CCNL1: variants seen among roughly 807,000 people sequenced by gnomAD.
CCNL1 encodes cyclin L1.
CCNL1 carries 13 observed loss-of-function variants against 60.6 expected under a neutral mutation model. The observed-to-expected ratio is 0.21, with a 90% confidence interval of 0.14 to 0.34. The LOEUF is 0.34. Among genes scored for constraint, CCNL1 ranks in the 10% least tolerant of loss-of-function variants. The pLI is 1.00. For missense variants in CCNL1, 481 were observed against 664.3 expected (o/e 0.72, Z 3.03); for synonymous variants, 270 against 244.3 (o/e 1.10, Z -0.98).
intron 2 of CCNL1, 151 bp downstream of exon 2, chr3:157,159,254 C>T (rs1422477745): frequency 6.9e-6 from 5 of 722,800 alleles, no homozygotes; most frequent in Non-Finnish European, 1.2e-5. Flanking sequence ...GAACCACATT[C>T]TAAAGGTTTC....
intron 4 of CCNL1, chr3:157,152,456 GA>G: frequency 8.0e-6 from 10 of 1,254,046 alleles, no homozygotes; most frequent in South Asian, 4.7e-5. Flanking sequence ...AATTGTACAG[GA>G]AAAAAGGCAA....
intron 2 of CCNL1, 99 bp downstream of exon 2, chr3:157,159,305 TA>T: frequency 8.9e-7 from 1 of 1,124,788 alleles, no homozygotes; most frequent in Non-Finnish European, 1.3e-6. Flanking sequence ...AGGCCTAAAC[TA>T]AACCACTCCC....
chr3:157,150,331 G>C lies in CCNL1; in HGVS notation c.725C>G (p.Pro242Arg), dbSNP rs1247954141. The C allele has an allele frequency of 1.9e-6, 3 of 1,613,784 alleles. No individual in the cohort carries two copies. Among genetic ancestry groups the C allele is most frequent in the Non-Finnish European group, 2.5e-6 (3 of 1,179,910 alleles). ...GATGCAAGCACATGCTATAGTCTCT[G>C]GTTGAAATCGAACAAACACATTGGT... ...LRTNVFVRFQ[P>R]ETIACACIYL... Residue 242 changes from proline to arginine, a missense_variant, in exon 6 of 11, where the codon CCA becomes CGA. Around this residue, in one of 5 missense-constraint regions of CCNL1, gnomAD observed 75 missense variants for 129.6 expected, o/e 0.58. Coordinates refer to ENST00000295926, the MANE Select transcript of CCNL1 (RefSeq NM_020307.4).
At chr3:157,154,434 A>G (rs1188154082) in intron 3 of CCNL1, 2 of 152,226 alleles carry the variant, frequency 1.3e-5, no homozygotes, top group Admixed American at 1.3e-4. Context: ...CAAAAGACTT[A>G]AGAGTCTTTG....
At chr3:157,157,932 C>G (rs1242270862) in intron 3 of CCNL1, among the ~76,000 whole-genome samples, 1 of 152,200 alleles carries the variant, frequency 6.6e-6, no homozygotes, top group Non-Finnish European at 1.5e-5. Flanking sequence ...TACCCAACCC[C>G]CAGAACAACT....
downstream of CCNL1, among the ~76,000 whole-genome samples, chr3:157,145,603 G>A (rs1737763681): frequency 6.6e-6 from 1 of 152,110 alleles, no homozygotes; most frequent in South Asian, 2.1e-4. Context: ...ACAAAAGCCA[G>A]TGAGGTACAA....
chr3:157,143,613 G>C (rs1023690302), downstream of CCNL1, among the ~76,000 whole-genome samples: 11 of 152,182 alleles, frequency 7.2e-5, no homozygotes, highest in African/African-American at 2.7e-4. Flanking sequence ...AAATGATAAA[G>C]TAAATTTCAG....
In CCNL1 at chr3:157,147,906, T is replaced by C. The variant is rs938931130; in HGVS notation, c.*335A>G. 1.7e-5 allele frequency: 17 copies of C among 1,028,040 alleles called. No homozygotes were observed. The highest frequency in any genetic ancestry group is 1.9e-5 in the Non-Finnish European group (16 of 858,186). 63.7% of individuals were successfully genotyped at this position (1,028,040 alleles called of 1,614,324 possible). Reference sequence around the variant, plus strand: ...TCATTTAAACAAATAACCACTTAAATAGAACAGTGTCTGCAATTTTATCTG... The same window carrying C: ...TCATTTAAACAAATAACCACTTAAACAGAACAGTGTCTGCAATTTTATCTG... On this transcript the variant is annotated 3_prime_UTR_variant, in exon 11 of 11. Transcript: ENST00000295926.
chr3:157,151,096 ACTATTT>A, intron 5 of CCNL1: 1 of 984,784 alleles, frequency 1.0e-6, no homozygotes, highest in Non-Finnish European at 1.2e-6. Flanking sequence ...AATTAAATGG[ACTATTT>A]CTTAAAAATC....
downstream of CCNL1, chr3:157,146,530 C>G (rs894797649): frequency 6.7e-6 from 3 of 449,406 alleles, no homozygotes; most frequent in Non-Finnish European, 1.3e-5. Context: ...GAATTTAATA[C>G]TTGGGAGGCT....
rs530998597 is a variant in CCNL1 at position 157,158,169 on chromosome 3, T to C, written c.488+697A>G. Among the ~76,000 whole-genome samples, 8 of 152,346 alleles carry C rather than the reference T, an allele frequency of 5.3e-5. No homozygotes were observed. The East Asian group carries it at 5.8e-4, about 11-fold the overall frequency. ...TTATGTTACCACAACACCTAGGAGA[T>C]ACTATTTCAGTCTCTGTATTTTCTT... On this transcript the variant is annotated intron_variant, in intron 3 of 10. Coordinates refer to ENST00000295926, the MANE Select transcript of CCNL1 (RefSeq NM_020307.4).
chr3:157,149,297 G>C lies in CCNL1; in HGVS notation c.1222C>G (p.Pro408Ala). 1 of 1,610,860 alleles carries C rather than the reference G, an allele frequency of 6.2e-7. No homozygotes were observed. The highest frequency in any genetic ancestry group is 1.1e-5 in the South Asian group (1 of 90,998). Residue 408 changes from proline to alanine, a missense_variant, in exon 10 of 11, where the codon CCA becomes GCA. Pro to Ala is a conservative substitution (Grantham distance 27, BLOSUM62 -1). Coordinates refer to ENST00000295926, the MANE Select transcript of CCNL1 (RefSeq NM_020307.4). ...AAAACATTTACTTACTGTCTTCTTG[G>C]AGTATGTGATCTAGAACGTGATCGT... is the stretch of plus-strand genomic sequence containing the variant. ...RTRSRSRSHT[P>A]RRHYNNRRSR... is the part of the protein sequence containing the mutation.
chr3:157,159,918 A>C lies in CCNL1; in HGVS notation c.177T>G (p.Ile59Met). 3 of 1,606,526 alleles carry C rather than the reference A, an allele frequency of 1.9e-6. No homozygotes were observed. The highest frequency in any genetic ancestry group is 2.5e-6 in the Non-Finnish European group (3 of 1,176,582). The change falls in exon 1 of 11, where the codon ATT becomes ATG. Residue 59 changes from isoleucine to methionine, a missense_variant. Transcript: ENST00000295926. ...EVSLTIDHSLIPEERLSPTPS... is the reference protein window; with the variant it reads ...EVSLTIDHSLMPEERLSPTPS... The stretch of plus-strand genomic sequence containing the variant: ...GGGTGGGCGAGAGCCTCTCCTCCGG[A>C]ATCAGAGAGTGGTCGATGGTAAGTG...
At chr3:157,151,318 A>T in intron 5 of CCNL1, 5 of 985,824 alleles carry the variant, frequency 5.1e-6, no homozygotes, top group Non-Finnish European at 6.0e-6. Flanking sequence ...AGTCTTAGGA[A>T]ACAGTAGTTG....
chr3:157,150,040 G>A, intron 7 of CCNL1, 25 bp downstream of exon 7: 1 of 1,607,190 alleles, frequency 6.2e-7, no homozygotes. Flanking sequence ...TAGCATGTTG[G>A]CACAAACGAG....
Position 157,148,493 on chromosome 3 carries a change from A to G in CCNL1, c.1329T>C (p.His443=). ...HSESPRRHHN[H]GSPHLKAKHT... is the part of the protein sequence containing the mutation. ...GCTTGGCCTTAAGGTGAGGAGAACC[A>G]TGATTATGATGTCTTCGAGGGCTTT... The change falls in exon 11 of 11, where the codon CAT becomes CAC. Residue 443 remains histidine (H), a synonymous_variant. Coordinates refer to ENST00000295926, the MANE Select transcript of CCNL1 (RefSeq NM_020307.4). 6.2e-7 allele frequency: 1 copy of G among 1,614,172 alleles called. No homozygotes were observed. The highest frequency in any genetic ancestry group is 8.5e-7 in the Non-Finnish European group (1 of 1,180,026).
intron 4 of CCNL1, 177 bp downstream of exon 4, chr3:157,152,859 A>C: frequency 7.3e-7 from 1 of 1,365,460 alleles, no homozygotes; most frequent in South Asian, 1.8e-5. Flanking sequence ...TTTGACTGTC[A>C]TTTTACTGAT....
Position 157,159,498 on chromosome 3 carries a change from A to G in CCNL1, c.304-19T>C. The G allele has an allele frequency of 6.2e-7, 1 of 1,610,164 alleles. No homozygotes were observed. The highest frequency in any genetic ancestry group is 8.5e-7 in the Non-Finnish European group (1 of 1,176,962). On this transcript the variant is annotated intron_variant, in intron 1 of 10. Transcript: ENST00000295926. ...TCGCCACCTGCAGACAAGAGAGGAG[A>G]ACGGAAGCGCAGGGGTCAGGCGGGC... is the stretch of plus-strand genomic sequence containing the variant.
intron 5 of CCNL1, chr3:157,151,429 A>G (rs1738185567): frequency 2.0e-6 from 2 of 985,804 alleles, no homozygotes; most frequent in African/African-American, 1.7e-5. Context: ...CATTTAAGCA[A>G]TATTATAGTA....
Sources: gnomAD v4.1 joint callset for allele counts (sites outside exome capture counted in the v4.1 genomes callset) on GRCh38, gnomAD v4.1.1 for gene constraint, gnomAD v4.1.1 regional missense constraint, MANE v1.5 for transcripts, NCBI Gene and HGNC (gene_info 2026-07-23, HGNC 2026-07-21) for gene names.